The following MRTFB variants were observed in gnomAD, a reference collection of about 807,000 sequenced individuals.
The protein encoded by MRTFB is myocardin related transcription factor B.
Under a neutral mutation model 104.2 loss-of-function variants are expected in MRTFB, and 29 were observed. The observed-to-expected ratio is 0.28, with a 90% CI of 0.21 to 0.38. The LOEUF (loss-of-function observed/expected upper bound fraction) is 0.38. Ranked by LOEUF, MRTFB falls within the 10% of genes least tolerant of loss-of-function variation. The pLI is 1.00. For synonymous variants in MRTFB, 535 were observed against 519.5 expected (o/e 1.03, Z -0.41); for missense variants, 1,270 against 1,341.6 (o/e 0.95, Z 0.83).
rs565938334 is a variant in MRTFB at position 14,095,636 on chromosome 16, A to G, written c.-64+16282A>G. Among the ~76,000 whole-genome samples, 6 of 152,368 alleles carry G rather than the reference A, an allele frequency of 3.9e-5. No individual in the cohort carries two copies. In the South Asian group the frequency reaches 1.2e-3, roughly 32 times the overall value. On this transcript the variant is annotated intron_variant, in intron 2 of 16. Coordinates refer to ENST00000571589, the MANE Select transcript of MRTFB (RefSeq NM_001308142.2). ...CATCAGGCATCATTTCACCATTTTAAAAGTAAATACTGGAAATGAAATGGA... is the reference window on the plus strand; with the variant it reads ...CATCAGGCATCATTTCACCATTTTAGAAGTAAATACTGGAAATGAAATGGA...
the MRTFB span, among the ~76,000 whole-genome samples, chr16:14,004,062 A>G: frequency 6.7e-6 from 1 of 149,200 alleles, no homozygotes; most frequent in African/African-American, 2.6e-5. Context: ...TTGGCAGCAG[A>G]ATGGAGGACT....
At chr16:14,256,471 C>CT (rs764573082) in intron 15 of MRTFB, among the ~76,000 whole-genome samples, 3 of 152,314 alleles carry the variant, frequency 2.0e-5, no homozygotes, top group East Asian at 1.9e-4. Flanking sequence ...ACTCCAGAGA[C>CT]TAAGTCATAA....
chr16:14,146,206 A>G (rs916240622), intron 3 of MRTFB, among the ~76,000 whole-genome samples: 27 of 152,230 alleles, frequency 1.8e-4, no homozygotes, highest in Admixed American at 3.3e-4. Context: ...GAAATAGCAC[A>G]GGCCAGCTGA....
At chr16:14,240,897 A>G (rs1423091999) in intron 10 of MRTFB, 2 of 616,502 alleles carry the variant, frequency 3.2e-6, no homozygotes, top group Non-Finnish European at 5.7e-6. Context: ...GGATCTTTGT[A>G]TATAGAAGGC....
At chr16:14,027,261 T>A in the MRTFB span, among the ~76,000 whole-genome samples, 1 of 152,028 alleles carries the variant, frequency 6.6e-6, no homozygotes, top group South Asian at 2.1e-4. Flanking sequence ...CAACGCTGTG[T>A]GAAAAAAAAG....
In MRTFB at chr16:14,218,942, A is replaced by C; in HGVS notation, c.637A>C (p.Ser213Arg). ...QESQGSAASP[S>R]EPKVSESPSP... Reference sequence around the variant, plus strand: ...GTCACAGGGGTCAGCCGCGTCCCCAAGTGAGCCAAAAGTTAGTGAATCGCC... The same window carrying C: ...GTCACAGGGGTCAGCCGCGTCCCCACGTGAGCCAAAAGTTAGTGAATCGCC... Residue 213 changes from serine (S) to arginine (R), a missense_variant, in exon 8 of 17, where the codon AGT becomes CGT. Physicochemically the swap from Ser to Arg is moderately radical, Grantham distance 110. Transcript: ENST00000571589. 1 of 1,614,118 alleles carries C rather than the reference A, an allele frequency of 6.2e-7. No individual in the cohort carries two copies.
chr16:14,134,038 C>CA (rs113157183), intron 2 of MRTFB, among the ~76,000 whole-genome samples: 23,009 of 151,984 alleles, frequency 0.15, 4,223 homozygotes, highest in African/African-American at 0.44. Context: ...ATGAATATTT[C>CA]AAAAAATGGT....
chr16:14,034,660 C>T, the MRTFB span, among the ~76,000 whole-genome samples: 1 of 150,084 alleles, frequency 6.7e-6, no homozygotes, highest in Admixed American at 6.6e-5. Flanking sequence ...TGTGTCTTTA[C>T]ATTGTCCTTC....
chr16:14,252,273 C>T, intron 14 of MRTFB, 92 bp from the exon 15 acceptor site: 1 of 1,517,934 alleles, frequency 6.6e-7, no homozygotes, highest in Non-Finnish European at 8.8e-7. Context: ...CTGATTTGGC[C>T]ACTACATAGA....
intron 1 of MRTFB, among the ~76,000 whole-genome samples, 189 bp downstream of exon 1, chr16:14,071,554 CG>C (rs1205797491): frequency 6.7e-6 from 1 of 148,404 alleles, no homozygotes; most frequent in African/African-American, 2.4e-5. Context: ...GCGGGGCGGC[CG>C]GGGCCGCGGG....
chr16:14,072,183 G>T (rs1311285033), intron 1 of MRTFB, among the ~76,000 whole-genome samples: 1 of 152,182 alleles, frequency 6.6e-6, no homozygotes, highest in African/African-American at 2.4e-5. Context: ...TCTCAACCTC[G>T]TCAGAATCAA....
chr16:14,263,550 T>C lies in MRTFB; in HGVS notation c.*2106T>C, dbSNP rs186674957. ...AGAAGGTAACCGAACACTAGTACCA[T>C]TGACTCTCGTTGAATAACTTTATAT... On this transcript the variant is annotated 3_prime_UTR_variant, in exon 17 of 17. Coordinates refer to ENST00000571589, the MANE Select transcript of MRTFB (RefSeq NM_001308142.2). 6.6e-6 allele frequency: 1 copy of C among 152,350 alleles called. No homozygotes were observed. Among genetic ancestry groups the C allele is most frequent in the Non-Finnish European group, 1.5e-5 (1 of 68,040 alleles). The allele number at this position is 152,350 out of a possible 1,614,324, so 9.4% of individuals were successfully genotyped here.
chr16:13,995,177 C>A, the MRTFB span, among the ~76,000 whole-genome samples: 1 of 152,168 alleles, frequency 6.6e-6, no homozygotes, highest in African/African-American at 2.4e-5. Flanking sequence ...TCAGATGTCC[C>A]CCAGTAAGGA....
chr16:14,013,287 G>A, the MRTFB span: 4 of 152,092 alleles, frequency 2.6e-5, no homozygotes, highest in South Asian at 2.1e-4. Context: ...ATCTCTATCC[G>A]GAAATTGATC....
the MRTFB span, among the ~76,000 whole-genome samples, chr16:14,025,525 G>A: frequency 2.0e-3 from 305 of 152,202 alleles, 2 homozygotes; most frequent in Non-Finnish European, 5.4e-4. Flanking sequence ...ACCTTCATGC[G>A]GTGCCTGCCC....
At chr16:14,007,661 G>T in the MRTFB span, among the ~76,000 whole-genome samples, 2 of 152,162 alleles carry the variant, frequency 1.3e-5, no homozygotes, top group African/African-American at 2.4e-5. Context: ...AAAGCTCTGT[G>T]CTACTTTACA....
chr16:14,251,376 C>CAAAAAA (rs776143724), intron 13 of MRTFB, among the ~76,000 whole-genome samples: 3 of 44,672 alleles, frequency 6.7e-5, no homozygotes, highest in African/African-American at 2.3e-4. Flanking sequence ...GACTCCGTCT[C>CAAAAAA]AAAAAAAAAA....
Position 14,120,122 on chromosome 16 carries a change from A to C in MRTFB, c.-63-20422A>C, listed in dbSNP as rs906712966. On this transcript the variant is annotated intron_variant, in intron 2 of 16. Transcript: ENST00000571589. The stretch of plus-strand genomic sequence containing the variant: ...CGTTTCCTCTTTTGGGGCTTGTCAG[A>C]TTTTCTTTTGTATGTTCTTTTTCTT... Among the ~76,000 whole-genome samples, 30 of 151,466 alleles carry C rather than the reference A, an allele frequency of 2.0e-4. 1 individual carries two copies. The highest frequency in any genetic ancestry group is 6.8e-4 in the African/African-American group (28 of 41,152).
intron 3 of MRTFB, among the ~76,000 whole-genome samples, chr16:14,208,431 G>C (rs906772667): frequency 1.1e-4 from 17 of 152,292 alleles, no homozygotes; most frequent in African/African-American, 1.9e-4. Context: ...CCAAAAAGGG[G>C]GTGGTTGATA....
Sources: gnomAD v4.1 joint callset for allele counts (sites outside exome capture counted in the v4.1 genomes callset) on GRCh38, gnomAD v4.1.1 for gene constraint, MANE v1.5 for transcripts, NCBI Gene and HGNC (gene_info 2026-07-23, HGNC 2026-07-21) for gene names.